ASMT: variants seen among roughly 807,000 people sequenced by gnomAD.
The protein encoded by ASMT is acetylserotonin N-methyltransferase.
A neutral mutation model predicts 41.3 loss-of-function variants in ASMT; 53 were observed. The ratio of observed to expected loss-of-function variants is 1.28; its 90% CI spans 1.03 to 1.61. ASMT has a LOEUF of 1.61. ASMT is among the 40% of genes most tolerant of loss of function. ASMT has a pLI of 0.00. For missense variants in ASMT, 531 were observed against 441.3 expected, an observed-to-expected ratio of 1.20 and a Z score of -1.82; for synonymous variants, 231 against 184.8, an observed-to-expected ratio of 1.25 and a Z score of -2.03.
rs763298097 is a variant in ASMT at position 1,619,354 on chromosome X, A to G, written c.70-3785A>G. ...GGTTGCAGTGAGCCGAGATCACGCC[A>G]CTGCACTCCAGCCTTGGGGGCAGAG... On this transcript the variant is annotated intron_variant, in intron 1 of 8. Transcript: ENST00000381241. 4.0e-5 allele frequency among the ~76,000 whole-genome samples: 6 copies of G among 149,846 alleles called. No homozygotes were observed. The East Asian group carries it at 1.2e-3, about 29-fold the overall frequency.
intron 1 of ASMT, among the ~76,000 whole-genome samples, chrX:1,618,506 G>T (rs1322652697): frequency 1.3e-5 from 2 of 151,370 alleles, no homozygotes; most frequent in Non-Finnish European, 2.9e-5. Context: ...CATCATGTTG[G>T]CCAGGCTGGT....
chrX:1,642,001 G>C (rs754653795), intron 8 of ASMT, among the ~76,000 whole-genome samples: 2 of 148,498 alleles, frequency 1.3e-5, no homozygotes, highest in African/African-American at 2.5e-5. Context: ...TGAGGACGTG[G>C]GCACAGCCTC....
chrX:1,634,654 C>CA lies in ASMT; in HGVS notation c.787+1364_787+1365insA, dbSNP rs1556129583. ...GGACAACACAGGCCTGCTGAGTTAA[C>CA]CCCCCCCCTTTTTTTTTCTTGTTTT... is the stretch of plus-strand genomic sequence containing the variant. On this transcript the variant is annotated intron_variant, in intron 7 of 8. Transcript: ENST00000381241. Among the ~76,000 whole-genome samples, 4 of 59,560 alleles carry CA rather than the reference C, an allele frequency of 6.7e-5. No homozygotes were observed. In the South Asian group the frequency reaches 1.9e-3, roughly 28 times the overall value. 39.1% of individuals were successfully genotyped at this position (59,560 alleles called of 152,430 possible). A position where few individuals can be genotyped will look rare whatever the true frequency, so the allele number is the denominator to read the frequency against.
chrX:1,626,701 C>T (rs1366759226), intron 3 of ASMT, among the ~76,000 whole-genome samples: 1 of 152,186 alleles, frequency 6.6e-6, no homozygotes, highest in Non-Finnish European at 1.5e-5. Flanking sequence ...AAAAAGGTCA[C>T]GTGTAACAAT....
At chrX:1,616,934 T>C (rs1227075488) in intron 1 of ASMT, among the ~76,000 whole-genome samples, 3 of 151,892 alleles carry the variant, frequency 2.0e-5, no homozygotes, top group Non-Finnish European at 4.4e-5. Flanking sequence ...GGTCTCGATC[T>C]CCTGACCTCA....
At chrX:1,628,767 C>G (rs1376108769) in intron 4 of ASMT, among the ~76,000 whole-genome samples, 1 of 151,180 alleles carries the variant, frequency 6.6e-6, no homozygotes, top group Non-Finnish European at 1.5e-5. Flanking sequence ...TCTTCCCTCT[C>G]TCCTTTCCTC....
chrX:1,630,526 C>T (rs1233265441), intron 5 of ASMT, among the ~76,000 whole-genome samples: 2 of 151,878 alleles, frequency 1.3e-5, no homozygotes, highest in Non-Finnish European at 1.5e-5. Flanking sequence ...AGGCTGGTCT[C>T]GAACTCCTGA....
chrX:1,620,084 C>T (rs1270690207), intron 1 of ASMT, among the ~76,000 whole-genome samples: 1 of 149,618 alleles, frequency 6.7e-6, no homozygotes, highest in Non-Finnish European at 1.5e-5. Context: ...CAGAGCCAGA[C>T]TCCGTCTCAA....
intron 8 of ASMT, among the ~76,000 whole-genome samples, chrX:1,637,049 GGCAC>G (rs1935009189): frequency 1.9e-5 from 2 of 106,218 alleles, no homozygotes; most frequent in Non-Finnish European, 3.9e-5. Context: ...CCATCCTGAT[GGCAC>G]ATGAGGATGT....
intron 5 of ASMT, among the ~76,000 whole-genome samples, chrX:1,630,620 G>A (rs1934738892): frequency 6.6e-6 from 1 of 151,918 alleles, no homozygotes; most frequent in Admixed American, 6.6e-5. Flanking sequence ...GCAATGGTGT[G>A]TTGATAGCTC....
At chrX:1,633,361 A>T in intron 7 of ASMT, 71 bp downstream of exon 7, 11 of 1,597,176 alleles carry the variant, frequency 6.9e-6, no homozygotes, top group Non-Finnish European at 9.4e-6. Context: ...TGTTTCTGGG[A>T]AATGAAGAAG....
intron 8 of ASMT, among the ~76,000 whole-genome samples, chrX:1,636,920 T>TGA (rs1254381269): frequency 0.04 from 4,732 of 117,498 alleles, 230 homozygotes; most frequent in Non-Finnish European, 0.065. Flanking sequence ...CCTCTGTGTG[T>TGA]GATGGGGACA....
At chrX:1,636,013 T>G (rs1413253306) in intron 7 of ASMT, among the ~76,000 whole-genome samples, 1 of 149,882 alleles carries the variant, frequency 6.7e-6, no homozygotes, top group African/African-American at 2.4e-5. Context: ...TGGAGTGCAA[T>G]GGTGCAATCT....
rs35159517 is a variant in ASMT, at chrX:1,627,879, C to G, written c.443+108C>G. 1,456 of 1,070,158 alleles carry G rather than the reference C, an allele frequency of 1.4e-3. 1 individual carries two copies. Among genetic ancestry groups the G allele is most frequent in the Non-Finnish European group, 1.8e-3 (1,250 of 690,822 alleles). The allele number at this position is 1,070,158 out of a possible 1,614,324, so 66.3% of individuals were successfully genotyped here. A position where few individuals can be genotyped will look rare whatever the true frequency, so the allele number is the denominator to read the frequency against. The stretch of plus-strand genomic sequence containing the variant: ...TCAAATGGCACAACCCAGGAGGAAG[C>G]TGCCATTTAATTTAAAATAACATCC... On this transcript the variant is annotated intron_variant, in intron 4 of 8. Coordinates refer to ENST00000381241, the MANE Select transcript of ASMT (RefSeq NM_001171038.2).
rs1163683639 is a variant in ASMT at position 1,636,926 on chromosome X, GGACA to G, written c.910+368_910+371del. On this transcript the variant is annotated intron_variant, in intron 8 of 8. Transcript: ENST00000381241. ...TGGGCACAGCCTCTGTGTGTGATGGGGACAGTGTCCCAGCTCTCCTGTGAGGTCC... is the reference window on the plus strand; with the variant it reads ...TGGGCACAGCCTCTGTGTGTGATGGGGTGTCCCAGCTCTCCTGTGAGGTCC... Among the ~76,000 whole-genome samples, 401 of 103,282 alleles carry G rather than the reference GGACA, an allele frequency of 3.9e-3. 6 individuals are homozygous for G. The highest frequency in any genetic ancestry group is 5.8e-3 in the Non-Finnish European group (273 of 47,206). 67.8% of individuals were successfully genotyped at this position (103,282 alleles called of 152,430 possible). A position where few individuals can be genotyped will look rare whatever the true frequency, so the allele number is the denominator to read the frequency against.
chrX:1,620,048 G>A (rs1205136424), intron 1 of ASMT, among the ~76,000 whole-genome samples: 20 of 149,870 alleles, frequency 1.3e-4, no homozygotes, highest in African/African-American at 4.2e-4. Context: ...AGCCGAGATC[G>A]CACCACTGCA....
chrX:1,642,260 C>A (rs1471594182), intron 8 of ASMT, among the ~76,000 whole-genome samples: 1 of 149,204 alleles, frequency 6.7e-6, no homozygotes. Context: ...TTGGGCACAG[C>A]CTCTGTGTGT....
intron 8 of ASMT, among the ~76,000 whole-genome samples, chrX:1,637,104 C>G (rs1407010906): frequency 8.9e-6 from 1 of 111,822 alleles, no homozygotes; most frequent in Admixed American, 9.1e-5. Flanking sequence ...TGTGTCCCAG[C>G]TCTCCTGTGA....
At chrX:1,634,506 T>C (rs1164212815) in intron 7 of ASMT, among the ~76,000 whole-genome samples, 3 of 152,174 alleles carry the variant, frequency 2.0e-5, no homozygotes, top group Non-Finnish European at 4.4e-5. Context: ...CCACTGTTAG[T>C]ACAAACTATC....
Sources: allele counts gnomAD v4.1 joint callset (sites outside exome capture counted in the v4.1 genomes callset), GRCh38; gene constraint gnomAD v4.1.1; transcripts MANE v1.5; gene names NCBI Gene and HGNC (gene_info 2026-07-23, HGNC 2026-07-21).